Variants in BLOC1S5 observed in about 807,000 individuals in gnomAD.
BLOC1S5 encodes biogenesis of lysosomal organelles complex 1 subunit 5.
In BLOC1S5, 27 loss-of-function variants were observed where a neutral mutation model predicts 24.3. The observed-to-expected ratio is 1.11, with a 90% CI of 0.82 to 1.53. The LOEUF is 1.53. Among genes scored for constraint, BLOC1S5 ranks in the 40% most tolerant of loss-of-function variants. BLOC1S5 has a pLI of 0.00. For missense variants in BLOC1S5, 239 were observed against 229.4 expected, an observed-to-expected ratio of 1.04 and a Z score of -0.27; for synonymous variants, 84 against 74.5, an observed-to-expected ratio of 1.13 and a Z score of -0.66.
At chr6:8,024,180 T>C (rs566462213) in intron 4 of BLOC1S5, among the ~76,000 whole-genome samples, 1 of 152,118 alleles carries the variant, frequency 6.6e-6, no homozygotes, top group Non-Finnish European at 1.5e-5. Context: ...ATTTTTAATA[T>C]ATATTCTATA....
intron 2 of BLOC1S5, 82 bp downstream of exon 2, chr6:8,062,452 T>C (rs1324647472): frequency 2.3e-6 from 2 of 873,758 alleles, no homozygotes; most frequent in African/African-American, 1.7e-5. Flanking sequence ...AATCCGATTT[T>C]AAAACTGGGG....
chr6:8,057,006 C>G (rs1764332546), intron 2 of BLOC1S5, among the ~76,000 whole-genome samples: 1 of 152,136 alleles, frequency 6.6e-6, no homozygotes, highest in East Asian at 1.9e-4. Context: ...CACCTGAGGT[C>G]AGGAGTTCAA....
At chr6:8,025,161 T>C (rs1475822378) in intron 4 of BLOC1S5, among the ~76,000 whole-genome samples, 4 of 152,260 alleles carry the variant, frequency 2.6e-5, no homozygotes, top group African/African-American at 9.6e-5. Context: ...GTTCTTACTT[T>C]ATCCTCTATT....
chr6:8,052,717 CCT>C (rs1171935619), intron 2 of BLOC1S5, among the ~76,000 whole-genome samples: 2 of 151,886 alleles, frequency 1.3e-5, no homozygotes, highest in African/African-American at 2.4e-5. Context: ...ATGGTGAAAC[CCT>C]GTCTCTACTA....
chr6:8,056,642 A>G (rs1764319164), intron 2 of BLOC1S5, among the ~76,000 whole-genome samples: 1 of 152,144 alleles, frequency 6.6e-6, no homozygotes, highest in Non-Finnish European at 1.5e-5. Flanking sequence ...ACAACTAAGA[A>G]CAGAGAGTGG....
At chr6:8,022,579 CT>C (rs756972606) in intron 4 of BLOC1S5, among the ~76,000 whole-genome samples, 4 of 74,286 alleles carry the variant, frequency 5.4e-5, no homozygotes, top group Non-Finnish European at 7.2e-5. Context: ...TTTTTTTTTT[CT>C]TTTTTTTTTT....
At chr6:8,029,669 T>TC (rs1489535829) in intron 3 of BLOC1S5, among the ~76,000 whole-genome samples, 1 of 152,094 alleles carries the variant, frequency 6.6e-6, no homozygotes, top group Non-Finnish European at 1.5e-5. Flanking sequence ...GTTCCCCAGG[T>TC]CCCCTGGGAA....
At chr6:8,029,088 ATTCATTCTATCATGGTGTCT>A (rs1561858231) in intron 3 of BLOC1S5, among the ~76,000 whole-genome samples, 25 of 152,330 alleles carry the variant, frequency 1.6e-4, no homozygotes, top group African/African-American at 6.0e-4. Flanking sequence ...AAAGAAACAA[ATTCATTCTATCATGGTGTCT>A]ATAAGTAAAC....
chr6:8,044,363 T>C (rs959358087), intron 2 of BLOC1S5, among the ~76,000 whole-genome samples: 2 of 151,578 alleles, frequency 1.3e-5, no homozygotes, highest in Non-Finnish European at 2.9e-5. Flanking sequence ...CATGTGGAAC[T>C]GTAAGTCCAA....
intron 4 of BLOC1S5, among the ~76,000 whole-genome samples, chr6:8,025,648 T>C (rs1329301839): frequency 1.3e-5 from 2 of 152,232 alleles, no homozygotes; most frequent in Non-Finnish European, 2.9e-5. Context: ...TGTGAACTAT[T>C]ATTGTGGATT....
intron 2 of BLOC1S5, among the ~76,000 whole-genome samples, chr6:8,046,188 A>C (rs1288654766): frequency 6.6e-6 from 1 of 152,150 alleles, no homozygotes; most frequent in African/African-American, 2.4e-5. Context: ...TGGGCTTATC[A>C]GGGGTTTCTG....
chr6:8,052,158 G>C (rs565287232), intron 2 of BLOC1S5, among the ~76,000 whole-genome samples: 1 of 151,572 alleles, frequency 6.6e-6, no homozygotes, highest in Non-Finnish European at 1.5e-5. Flanking sequence ...TAGTAGGGAC[G>C]GGGTTTCACC....
At chr6:8,044,637 T>G (rs777212366) in intron 2 of BLOC1S5, among the ~76,000 whole-genome samples, 7 of 152,158 alleles carry the variant, frequency 4.6e-5, no homozygotes, top group Non-Finnish European at 8.8e-5. Flanking sequence ...ATATGAACAA[T>G]AAGGTCCAGG....
At chr6:8,051,576 G>A (rs908428620) in intron 2 of BLOC1S5, among the ~76,000 whole-genome samples, 10 of 152,224 alleles carry the variant, frequency 6.6e-5, no homozygotes, top group African/African-American at 2.4e-4. Flanking sequence ...CCTGCTATTA[G>A]CAGAAAACGC....
intron 2 of BLOC1S5, among the ~76,000 whole-genome samples, chr6:8,047,175 CA>C: frequency 6.8e-6 from 1 of 147,542 alleles, no homozygotes; most frequent in Non-Finnish European, 1.5e-5. Context: ...CACACACACA[CA>C]CACACACACA....
At chr6:8,056,337 C>T (rs774404485) in intron 2 of BLOC1S5, among the ~76,000 whole-genome samples, 25 of 152,196 alleles carry the variant, frequency 1.6e-4, no homozygotes, top group Non-Finnish European at 5.9e-5. Context: ...TCTGGCAGTT[C>T]TGATACCACA....
intron 2 of BLOC1S5, among the ~76,000 whole-genome samples, chr6:8,049,869 C>G (rs1764046425): frequency 6.6e-6 from 1 of 151,936 alleles, no homozygotes; most frequent in Non-Finnish European, 1.5e-5. Flanking sequence ...AGCCACTATG[C>G]CCGACCAATT....
chr6:8,040,682 C>T (rs1030505136), intron 3 of BLOC1S5, among the ~76,000 whole-genome samples: 5 of 151,894 alleles, frequency 3.3e-5, no homozygotes, highest in Admixed American at 3.3e-4. Context: ...ATGGTGAAAC[C>T]CCATCTCTAC....
At chr6:8,051,511 G>A (rs912116486) in intron 2 of BLOC1S5, among the ~76,000 whole-genome samples, 2 of 152,224 alleles carry the variant, frequency 1.3e-5, no homozygotes, top group African/African-American at 2.4e-5. Context: ...ATCTAGCTAC[G>A]ATCATTGCTG....
Sources: allele counts gnomAD v4.1 joint callset (sites outside exome capture counted in the v4.1 genomes callset), GRCh38; gene constraint gnomAD v4.1.1; transcripts MANE v1.5; gene names NCBI Gene and HGNC (gene_info 2026-07-23, HGNC 2026-07-21).